Variants in LCLAT1 observed in about 807,000 individuals in gnomAD.
LCLAT1 encodes the protein 1-AGP acyltransferase 8.
In LCLAT1, 11 loss-of-function variants were observed where a neutral mutation model predicts 30.7. That is an observed-to-expected ratio of 0.36 (90% confidence interval 0.23 to 0.59). The LOEUF (loss-of-function observed/expected upper bound fraction) is 0.59. Ranked by LOEUF, LCLAT1 falls within the 20% of genes least tolerant of loss-of-function variation. The pLI is 0.77. For synonymous variants in LCLAT1, 155 were observed against 151.3 expected (o/e 1.02, Z -0.18); for missense variants, 402 against 458.6 (o/e 0.88, Z 1.13).
chr2:30,589,921 C>G (rs1666617490), intron 5 of LCLAT1, among the ~76,000 whole-genome samples: 1 of 152,118 alleles, frequency 6.6e-6, no homozygotes, highest in Non-Finnish European at 1.5e-5. Context: ...AAGGGTAAAT[C>G]AAAGCATCCA....
Position 30,562,286 on chromosome 2 carries a change from C to G in LCLAT1, c.505C>G (p.Leu169Val). The change falls in exon 4 of 6, where the codon CTC becomes GTC. Residue 169 changes from leucine (L) to valine (V), a missense_variant. Leu to Val is a conservative substitution (Grantham distance 32). Coordinates refer to ENST00000379509, the MANE Select transcript of LCLAT1 (RefSeq NM_001002257.3). ...CCTCATATTCCCAGAAGGGACTGATCTCACAGGTAATGTAGCCTGGGTTTG... is the reference window on the plus strand; with the variant it reads ...CCTCATATTCCCAGAAGGGACTGATGTCACAGGTAATGTAGCCTGGGTTTG... ...QLLIFPEGTDLTENSKSRSNA... is the reference protein window; with the variant it reads ...QLLIFPEGTDVTENSKSRSNA... The G allele has an allele frequency of 6.2e-7, 1 of 1,606,130 alleles. No homozygotes were observed. The highest frequency in any genetic ancestry group is 1.1e-5 in the South Asian group (1 of 89,818).
At chr2:30,555,071 C>G (rs1477053546) in intron 3 of LCLAT1, among the ~76,000 whole-genome samples, 1 of 151,910 alleles carries the variant, frequency 6.6e-6, no homozygotes, top group Non-Finnish European at 1.5e-5. Context: ...TTCTATAAAA[C>G]TATGGGTGAA....
intron 1 of LCLAT1, chr2:30,459,868 G>T (rs1682024431): frequency 5.5e-6 from 3 of 540,802 alleles, no homozygotes; most frequent in Admixed American, 7.4e-5. Flanking sequence ...CCTTTTCATT[G>T]AAAAATAAGC....
intron 1 of LCLAT1, among the ~76,000 whole-genome samples, chr2:30,517,761 CAG>C (rs1375489401): frequency 6.6e-6 from 1 of 151,956 alleles, no homozygotes; most frequent in Non-Finnish European, 1.5e-5. Flanking sequence ...CAGAGAGAGA[CAG>C]AAAGTCAGAG....
At chr2:30,504,210 C>T (rs540028958) in intron 1 of LCLAT1, among the ~76,000 whole-genome samples, 3 of 152,112 alleles carry the variant, frequency 2.0e-5, no homozygotes, top group East Asian at 1.9e-4. Flanking sequence ...TATTACATAA[C>T]ATAACATATA....
chr2:30,605,935 A>AT (rs1242938350), intron 5 of LCLAT1: 5 of 1,032,688 alleles, frequency 4.8e-6, no homozygotes, highest in Admixed American at 7.8e-5. Flanking sequence ...CGCAACCTAG[A>AT]TCCCTCACTT....
intron 3 of LCLAT1, among the ~76,000 whole-genome samples, chr2:30,544,714 A>G (rs1422159992): frequency 6.6e-6 from 1 of 152,086 alleles, no homozygotes; most frequent in African/African-American, 2.4e-5. Context: ...ATTTTTGTTT[A>G]TCCTGAGGCC....
At chr2:30,586,241 C>CAAAA (rs148993331) in intron 5 of LCLAT1, among the ~76,000 whole-genome samples, 19 of 77,656 alleles carry the variant, frequency 2.4e-4, no homozygotes, top group African/African-American at 6.7e-4. Context: ...GACTCCGTCT[C>CAAAA]AAAAAAAAAA....
At chr2:30,538,351 G>T (rs184762678) in intron 3 of LCLAT1, among the ~76,000 whole-genome samples, 1 of 152,076 alleles carries the variant, frequency 6.6e-6, no homozygotes, top group Non-Finnish European at 1.5e-5. Context: ...AAAGAGAGAC[G>T]ATGAAAAAGA....
intron 3 of LCLAT1, among the ~76,000 whole-genome samples, chr2:30,556,173 T>C (rs1388023908): frequency 6.6e-6 from 1 of 152,190 alleles, no homozygotes; most frequent in African/African-American, 2.4e-5. Flanking sequence ...CTATTTCCTC[T>C]GTCATGGTAA....
At chr2:30,472,559 G>A (rs907018464) in intron 1 of LCLAT1, among the ~76,000 whole-genome samples, 4 of 152,132 alleles carry the variant, frequency 2.6e-5, no homozygotes, top group Admixed American at 2.0e-4. Context: ...TATAAAAGTG[G>A]AAGTGCCCCT....
intron 1 of LCLAT1, among the ~76,000 whole-genome samples, chr2:30,518,481 A>G (rs563979221): frequency 6.6e-6 from 1 of 152,342 alleles, no homozygotes; most frequent in East Asian, 1.9e-4. Context: ...GGAAGGAACC[A>G]TCTATACCAA....
chr2:30,515,318 G>A (rs564532144), intron 1 of LCLAT1, among the ~76,000 whole-genome samples: 124 of 152,110 alleles, frequency 8.2e-4, no homozygotes, highest in African/African-American at 2.8e-3. Flanking sequence ...ATTTATTTTC[G>A]TACTTAGCTT....
chr2:30,544,142 C>T (rs1647952932), intron 3 of LCLAT1, among the ~76,000 whole-genome samples: 1 of 152,124 alleles, frequency 6.6e-6, no homozygotes, highest in South Asian at 2.1e-4. Context: ...GGAACATACT[C>T]TTAGAGCTTT....
At chr2:30,522,771 G>T (rs1386436015) in intron 1 of LCLAT1, among the ~76,000 whole-genome samples, 2 of 152,182 alleles carry the variant, frequency 1.3e-5, no homozygotes, top group Non-Finnish European at 2.9e-5. Context: ...ACCTGCTTAA[G>T]TCTGAGTTTA....
intron 5 of LCLAT1, among the ~76,000 whole-genome samples, chr2:30,636,265 T>C (rs1213121892): frequency 3.9e-5 from 6 of 152,204 alleles, no homozygotes; most frequent in Non-Finnish European, 8.8e-5. Context: ...AGGCCTCTAA[T>C]TGGCATTCTC....
chr2:30,537,499 G>T (rs183066604), intron 3 of LCLAT1, among the ~76,000 whole-genome samples: 15 of 149,240 alleles, frequency 1.0e-4, no homozygotes, highest in Admixed American at 9.5e-4. Context: ...TCAATTCAGC[G>T]AGAGGATATA....
chr2:30,636,873 ACACT>A (rs1198769482), intron 5 of LCLAT1, among the ~76,000 whole-genome samples: 2 of 152,216 alleles, frequency 1.3e-5, no homozygotes, highest in Non-Finnish European at 2.9e-5. Flanking sequence ...ATTGACTGTG[ACACT>A]CACGTAGAAT....
In LCLAT1 at chr2:30,641,896, C is replaced by CTTTTTTTTTTTTT. The variant is rs1039418664; in HGVS notation, c.*1288_*1289insTTTTTTTTTTTTT. 1.2e-5 allele frequency: 1 copy of CTTTTTTTTTTTTT among 83,394 alleles called. No homozygotes were observed. The highest frequency in any genetic ancestry group is 3.9e-5 in the African/African-American group (1 of 25,470). The allele number at this position is 83,394 out of a possible 1,614,324, so 5.2% of individuals were successfully genotyped here. The stretch of plus-strand genomic sequence containing the variant: ...CTGTTGGAGCTGCACACTTTTTTTT[C>CTTTTTTTTTTTTT]TTTTTTTTTTTCTTTTTTTTTTTGT... On this transcript the variant is annotated 3_prime_UTR_variant, in exon 6 of 6. Transcript: ENST00000379509.
Sources: gnomAD v4.1 joint callset for allele counts (sites outside exome capture counted in the v4.1 genomes callset) on GRCh38, gnomAD v4.1.1 for gene constraint, MANE v1.5 for transcripts, NCBI Gene and HGNC (gene_info 2026-07-23, HGNC 2026-07-21) for gene names.